The following ADK variants were observed in gnomAD, a reference collection of about 807,000 sequenced individuals.
ADK encodes the protein adenosine kinase.
Under a neutral mutation model 44.7 loss-of-function variants are expected in ADK, and 24 were observed. The ratio of observed to expected loss-of-function variants is 0.54; its 90% CI spans 0.39 to 0.76. The LOEUF (loss-of-function observed/expected upper bound fraction) is 0.76, where lower values mean the gene tolerates loss of function less well. Ranked by LOEUF, ADK falls within the 30% of genes least tolerant of loss-of-function variation. ADK has a pLI of 0.00. For missense variants in ADK, 321 were observed against 425.1 expected, an observed-to-expected ratio of 0.76 and a Z score of 2.15; for synonymous variants, 128 against 142.6, an observed-to-expected ratio of 0.90 and a Z score of 0.73.
At chr10:74,200,156 GTTTTTT>G (rs760622376) in intron 1 of ADK, among the ~76,000 whole-genome samples, 1 of 99,274 alleles carries the variant, frequency 1.0e-5, no homozygotes, top group African/African-American at 4.2e-5. Context: ...GACACCATCT[GTTTTTT>G]TTTTTTTTTT....
chr10:74,400,977 A>G (rs890567308), intron 6 of ADK, among the ~76,000 whole-genome samples: 2 of 152,228 alleles, frequency 1.3e-5, no homozygotes, highest in South Asian at 4.1e-4. Flanking sequence ...AAAATTGAAT[A>G]TGGATACACC....
chr10:74,609,300 G>A (rs936098760), intron 9 of ADK, among the ~76,000 whole-genome samples: 11 of 152,122 alleles, frequency 7.2e-5, no homozygotes, highest in African/African-American at 2.7e-4. Flanking sequence ...AAAAACTCCT[G>A]CAGCTAGCTT....
intron 6 of ADK, among the ~76,000 whole-genome samples, chr10:74,514,258 A>T (rs1213897708): frequency 6.6e-6 from 1 of 152,124 alleles, no homozygotes; most frequent in Non-Finnish European, 1.5e-5. Context: ...TTGACTTTTG[A>T]CAATTTAACT....
At chr10:74,297,566 C>T (rs1332329412) in intron 3 of ADK, among the ~76,000 whole-genome samples, 2 of 152,084 alleles carry the variant, frequency 1.3e-5, no homozygotes, top group African/African-American at 2.4e-5. Context: ...TACCATAGGG[C>T]GAACTGAGCC....
intron 4 of ADK, among the ~76,000 whole-genome samples, chr10:74,336,262 A>G (rs757793596): frequency 2.0e-5 from 3 of 152,170 alleles, no homozygotes; most frequent in Non-Finnish European, 4.4e-5. Flanking sequence ...TGGATATCCA[A>G]TTGATCCATT....
At chr10:74,195,400 G>A (rs2132131089) in intron 1 of ADK, among the ~76,000 whole-genome samples, 1 of 152,232 alleles carries the variant, frequency 6.6e-6, no homozygotes, top group East Asian at 1.9e-4. Flanking sequence ...CGTGACATGA[G>A]CAAAGTTTTA....
chr10:74,615,894 T>C (rs1474493344), intron 9 of ADK, among the ~76,000 whole-genome samples: 2 of 151,734 alleles, frequency 1.3e-5, no homozygotes, highest in African/African-American at 4.8e-5. Context: ...TTTTTAGTAG[T>C]GACGGGGTTT....
chr10:74,447,926 C>T (rs1845639992), intron 6 of ADK, among the ~76,000 whole-genome samples: 1 of 152,144 alleles, frequency 6.6e-6, no homozygotes, highest in Non-Finnish European at 1.5e-5. Context: ...GTAATCCCAG[C>T]ATTTTGGGAG....
chr10:74,225,473 TC>T (rs1304316386), intron 3 of ADK, among the ~76,000 whole-genome samples: 3 of 152,220 alleles, frequency 2.0e-5, no homozygotes, highest in Non-Finnish European at 4.4e-5. Context: ...TAATTTTTTT[TC>T]GTAGAGGACT....
chr10:74,279,052 A>T (rs910565458), intron 3 of ADK, among the ~76,000 whole-genome samples: 1 of 144,988 alleles, frequency 6.9e-6, no homozygotes, highest in Non-Finnish European at 1.5e-5. Context: ...AGGCTGAGGC[A>T]GGTGGATCAC....
chr10:74,475,745 AAGAG>A (rs965189026), intron 6 of ADK, among the ~76,000 whole-genome samples: 3 of 151,694 alleles, frequency 2.0e-5, no homozygotes, highest in African/African-American at 7.3e-5. Flanking sequence ...CGAAGAGAGA[AAGAG>A]AGAAATAAAA....
chr10:74,664,236 T>C (rs945156216), intron 9 of ADK, among the ~76,000 whole-genome samples: 8 of 152,218 alleles, frequency 5.3e-5, no homozygotes, highest in African/African-American at 1.9e-4. Flanking sequence ...TTTACCAATA[T>C]AGAAAGATAT....
chr10:74,556,625 G>C (rs1047183738), intron 7 of ADK, among the ~76,000 whole-genome samples: 1 of 152,126 alleles, frequency 6.6e-6, no homozygotes, highest in Non-Finnish European at 1.5e-5. Flanking sequence ...GTCTTACTGA[G>C]CAATTCTTAA....
chr10:74,635,589 C>G (rs1853597704), intron 9 of ADK, among the ~76,000 whole-genome samples: 1 of 152,052 alleles, frequency 6.6e-6, no homozygotes, highest in Non-Finnish European at 1.5e-5. Flanking sequence ...TCTCATGATT[C>G]TCCAGTCAAG....
chr10:74,163,092 GAGT>G (rs1430713755), intron 1 of ADK, among the ~76,000 whole-genome samples: 2 of 151,956 alleles, frequency 1.3e-5, no homozygotes, highest in East Asian at 3.9e-4. Context: ...CTCAGCCTCT[GAGT>G]AGCTGGGACT....
chr10:74,683,202 A>G (rs1363237569), intron 10 of ADK, among the ~76,000 whole-genome samples: 1 of 152,208 alleles, frequency 6.6e-6, no homozygotes, highest in African/African-American at 2.4e-5. Context: ...TAGTTCTTTG[A>G]GCAACCTGTG....
At chr10:74,670,412 C>G in intron 10 of ADK, 143 bp downstream of exon 10, 1 of 684,916 alleles carries the variant, frequency 1.5e-6, no homozygotes, top group Non-Finnish European at 2.5e-6. Flanking sequence ...CCATATACTT[C>G]TATCATTGTC....
chr10:74,171,197 T>A (rs1362609422), intron 1 of ADK, among the ~76,000 whole-genome samples: 1 of 152,256 alleles, frequency 6.6e-6, no homozygotes, highest in Non-Finnish European at 1.5e-5. Context: ...TTTGCTATTG[T>A]TAATAAGGCT....
At chr10:74,475,164 A>G (rs920976641) in intron 6 of ADK, among the ~76,000 whole-genome samples, 4 of 151,916 alleles carry the variant, frequency 2.6e-5, no homozygotes, top group Non-Finnish European at 5.9e-5. Context: ...AAACAAAACA[A>G]AAAACCCTTA....
Sources: gnomAD v4.1 joint callset for allele counts (sites outside exome capture counted in the v4.1 genomes callset) on GRCh38, gnomAD v4.1.1 for gene constraint, MANE v1.5 for transcripts, NCBI Gene and HGNC (gene_info 2026-07-23, HGNC 2026-07-21) for gene names.